GABRG2: variants seen among roughly 807,000 people sequenced by gnomAD.
GABRG2 encodes gamma-aminobutyric acid receptor subunit gamma-2.
GABRG2 carries 16 observed loss-of-function variants against 56.4 expected under a neutral mutation model. The observed-to-expected ratio is 0.28, with a 90% CI of 0.19 to 0.43. The LOEUF (loss-of-function observed/expected upper bound fraction) is 0.43, where lower values mean the gene tolerates loss of function less well. Among genes scored for constraint, GABRG2 ranks in the 20% least tolerant of loss-of-function variants. The pLI is 1.00. For missense variants in GABRG2, 327 were observed against 582.7 expected (o/e 0.56, Z 4.52); for synonymous variants, 208 against 205.5 (o/e 1.01, Z -0.10).
At chr5:162,122,279 A>G (rs10052464) in intron 6 of GABRG2, among the ~76,000 whole-genome samples, 6,077 of 152,072 alleles carry the variant, frequency 0.04, 440 homozygotes, top group African/African-American at 0.14. Flanking sequence ...CGCAATTCAT[A>G]GAACCTATAT....
intron 6 of GABRG2, among the ~76,000 whole-genome samples, chr5:162,127,191 T>C (rs1228050973): frequency 6.6e-6 from 1 of 151,996 alleles, no homozygotes; most frequent in Non-Finnish European, 1.5e-5. Flanking sequence ...AAAGCAAAGT[T>C]ATCAAATCTC....
intron 7 of GABRG2, among the ~76,000 whole-genome samples, chr5:162,143,285 G>T (rs1053671250): frequency 5.3e-5 from 8 of 152,098 alleles, no homozygotes; most frequent in Non-Finnish European, 1.0e-4. Context: ...GATAACATTT[G>T]AAGTAATCGG....
At chr5:162,135,196 C>G (rs1420641107) in intron 6 of GABRG2, among the ~76,000 whole-genome samples, 1 of 152,016 alleles carries the variant, frequency 6.6e-6, no homozygotes, top group Non-Finnish European at 1.5e-5. Context: ...TGCAGCCACT[C>G]TGATAAAGCT....
chr5:162,109,411 TATATA>T (rs1561647251), intron 6 of GABRG2, among the ~76,000 whole-genome samples: 3 of 140,680 alleles, frequency 2.1e-5, no homozygotes, highest in African/African-American at 8.1e-5. Context: ...TATATATATA[TATATA>T]TATATATTTA....
At chr5:162,104,585 T>C (rs562104464) in intron 6 of GABRG2, among the ~76,000 whole-genome samples, 2 of 152,240 alleles carry the variant, frequency 1.3e-5, no homozygotes, top group South Asian at 4.2e-4. Context: ...CTTTTCCAGA[T>C]ACCTAATGTG....
intron 6 of GABRG2, among the ~76,000 whole-genome samples, chr5:162,131,671 AATAT>A (rs1471483595): frequency 6.6e-6 from 1 of 152,024 alleles, no homozygotes; most frequent in Non-Finnish European, 1.5e-5. Context: ...ATATAGAATA[AATAT>A]TTATAAAGAC....
At chr5:162,102,382 A>T (rs1761490936) in intron 5 of GABRG2, 1 of 400,522 alleles carries the variant, frequency 2.5e-6, no homozygotes, top group East Asian at 7.2e-5. Flanking sequence ...AAATTCAAGA[A>T]CTGTTGATTT....
chr5:162,111,924 A>G (rs185692894), intron 6 of GABRG2, among the ~76,000 whole-genome samples: 298 of 152,326 alleles, frequency 2.0e-3, no homozygotes, highest in Admixed American at 3.4e-3. Flanking sequence ...AGGAATACCA[A>G]TTATCTTTAG....
chr5:162,129,893 T>C (rs1258229294), intron 6 of GABRG2, among the ~76,000 whole-genome samples: 1 of 151,926 alleles, frequency 6.6e-6, no homozygotes, highest in Non-Finnish European at 1.5e-5. Flanking sequence ...TATTATTTAA[T>C]TGAATTTGTT....
chr5:162,099,853 T>C (rs1176289772), intron 4 of GABRG2: 2 of 152,136 alleles, frequency 1.3e-5, no homozygotes, highest in Non-Finnish European at 2.9e-5. Context: ...ATGAGTGTGT[T>C]TGTGTGTTTT....
At chr5:162,090,960 A>G (rs1760527854) in intron 1 of GABRG2, among the ~76,000 whole-genome samples, 1 of 152,132 alleles carries the variant, frequency 6.6e-6, no homozygotes, top group South Asian at 2.1e-4. Context: ...AGAGGTTTTT[A>G]TGTCCAAAGC....
At chr5:162,075,183 A>G (rs941346027) in intron 1 of GABRG2, among the ~76,000 whole-genome samples, 1 of 152,182 alleles carries the variant, frequency 6.6e-6, no homozygotes, top group Non-Finnish European at 1.5e-5. Context: ...CCACATCTAT[A>G]TTAAATGAGA....
chr5:162,083,453 GA>G, intron 1 of GABRG2: 1 of 159,304 alleles, frequency 6.3e-6, no homozygotes, highest in South Asian at 1.5e-4. Flanking sequence ...TTTTGCTACA[GA>G]AAAAATCAAA....
rs1761933745 is a variant in GABRG2 at position 162,107,640 on chromosome 5, A to G, written c.769+3614A>G. On this transcript the variant is annotated intron_variant, in intron 6 of 9. Transcript: ENST00000639213. ...GTGGTGGGTCGATAAGATTTGAAGAATATTTTTAATTCATTGTCAATATGC... is the reference window on the plus strand; with the variant it reads ...GTGGTGGGTCGATAAGATTTGAAGAGTATTTTTAATTCATTGTCAATATGC... 5.9e-5 allele frequency among the ~76,000 whole-genome samples: 9 copies of G among 152,224 alleles called. 1 individual carries two copies. The highest frequency in any genetic ancestry group is 5.9e-4 in the Admixed American group (9 of 15,274).
chr5:162,149,589 A>T (rs757407006), intron 8 of GABRG2: 3 of 749,794 alleles, frequency 4.0e-6, no homozygotes, highest in African/African-American at 1.7e-5. Context: ...GAGAAATGTG[A>T]CCTTCTTCTT....
In GABRG2 at chr5:162,068,048, C is replaced by G. The variant is rs1429217294; in HGVS notation, c.49C>G (p.Pro17Ala). The change falls in exon 1 of 10, where the codon CCT becomes GCT. Residue 17 changes from proline (P) to alanine (A), a missense_variant. Pro to Ala is a conservative substitution (Grantham distance 27, BLOSUM62 -1). Transcript: ENST00000639213. ...CACAGGAAGCTCAGTCTACTCGACTCCTGTATTTTCACAGAAAATGACGGT... is the reference window on the plus strand; with the variant it reads ...CACAGGAAGCTCAGTCTACTCGACTGCTGTATTTTCACAGAAAATGACGGT... ...WSTGSSVYST[P>A]VFSQKMTVWI... 6.2e-7 allele frequency: 1 copy of G among 1,613,226 alleles called. No homozygotes were observed. The highest frequency in any genetic ancestry group is 1.3e-5 in the African/African-American group (1 of 74,810).
chr5:162,115,743 A>G (rs1269746421), intron 6 of GABRG2, among the ~76,000 whole-genome samples: 2 of 152,262 alleles, frequency 1.3e-5, no homozygotes, highest in South Asian at 4.1e-4. Context: ...TTATTAGCCT[A>G]TTATTTTGTT....
chr5:162,127,957 G>GGT (rs1763460745), intron 6 of GABRG2, among the ~76,000 whole-genome samples: 1 of 151,994 alleles, frequency 6.6e-6, no homozygotes, highest in Non-Finnish European at 1.5e-5. Context: ...TGGTCTGTCA[G>GGT]GTGCCCTGTG....
At chr5:162,108,212 A>G (rs1761975763) in intron 6 of GABRG2, among the ~76,000 whole-genome samples, 1 of 152,002 alleles carries the variant, frequency 6.6e-6, no homozygotes, top group South Asian at 2.1e-4. Context: ...CATACTCTTA[A>G]TCACAACACT....
Sources: gnomAD v4.1 joint callset for allele counts (sites outside exome capture counted in the v4.1 genomes callset) on GRCh38, gnomAD v4.1.1 for gene constraint, MANE v1.5 for transcripts, NCBI Gene and HGNC (gene_info 2026-07-23, HGNC 2026-07-21) for gene names.